KIAA0232: variants seen among roughly 807,000 people sequenced by gnomAD.
KIAA0232 encodes uncharacterized protein KIAA0232.
KIAA0232 carries 27 observed loss-of-function variants against 122.0 expected under a neutral mutation model. That is an observed-to-expected ratio of 0.22 (90% CI 0.16 to 0.31). The LOEUF (loss-of-function observed/expected upper bound fraction) is 0.31, where lower values mean the gene tolerates loss of function less well. KIAA0232 is among the 10% of genes least tolerant of loss of function. The probability of loss-of-function intolerance (pLI) is 1.00; values close to 1 mark genes in which losing one functional copy is unlikely to be tolerated. For missense variants in KIAA0232, 1,551 were observed against 1,634.2 expected, an observed-to-expected ratio of 0.95 and a Z score of 0.88; for synonymous variants, 613 against 587.6, an observed-to-expected ratio of 1.04 and a Z score of -0.63.
At chr4:6,858,371 G>A (rs925261776) in intron 5 of KIAA0232, 54 bp from the exon 6 acceptor site, 3 of 1,059,446 alleles carry the variant, frequency 2.8e-6, no homozygotes, top group East Asian at 2.6e-5. Flanking sequence ...AAATACATTA[G>A]CATTTATTAA....
intron 4 of KIAA0232, among the ~76,000 whole-genome samples, chr4:6,846,112 G>T (rs1302158878): frequency 8.2e-6 from 1 of 121,760 alleles, no homozygotes; most frequent in East Asian, 2.3e-4. Context: ...AAAAAAAAAA[G>T]ATTGTTGGAT....
chr4:6,809,559 T>A (rs1261381344), intron 2 of KIAA0232, among the ~76,000 whole-genome samples: 1 of 152,114 alleles, frequency 6.6e-6, no homozygotes, highest in Non-Finnish European at 1.5e-5. Flanking sequence ...GATATAAACC[T>A]TTGTGGAAGT....
At chr4:6,830,456 C>G (rs1286548890) in intron 3 of KIAA0232, among the ~76,000 whole-genome samples, 1 of 131,670 alleles carries the variant, frequency 7.6e-6, no homozygotes, top group Non-Finnish European at 1.5e-5. Context: ...GTTGCCCAGG[C>G]TAGAGTGCAG....
intron 4 of KIAA0232, among the ~76,000 whole-genome samples, chr4:6,851,284 TC>T (rs1477628580): frequency 2.0e-5 from 3 of 152,222 alleles, no homozygotes; most frequent in African/African-American, 7.2e-5. Flanking sequence ...ATCCAGACAT[TC>T]AGCTCATAGC....
intron 7 of KIAA0232, among the ~76,000 whole-genome samples, chr4:6,870,659 C>T (rs900118545): frequency 1.3e-5 from 2 of 151,988 alleles, no homozygotes; most frequent in South Asian, 2.1e-4. Context: ...AAAAATTAGC[C>T]GGGGTGGTGG....
intron 4 of KIAA0232, among the ~76,000 whole-genome samples, chr4:6,854,726 C>A (rs1422214387): frequency 1.3e-5 from 2 of 152,288 alleles, no homozygotes; most frequent in South Asian, 4.1e-4. Context: ...AAAAGCAATT[C>A]ATGAGTTCAG....
intron 7 of KIAA0232, among the ~76,000 whole-genome samples, chr4:6,865,956 G>T: frequency 6.6e-6 from 1 of 152,054 alleles, no homozygotes; most frequent in Middle Eastern, 3.4e-3. Context: ...CTTATTTGTC[G>T]CATCAGAGTG....
intron 6 of KIAA0232, 69 bp from the exon 7 acceptor site, chr4:6,860,832 G>T: frequency 7.8e-7 from 1 of 1,286,496 alleles, no homozygotes; most frequent in Non-Finnish European, 1.1e-6. Context: ...CTTCTGGTTG[G>T]TAATGTTGTT....
chr4:6,813,083 A>G (rs1428403754), intron 2 of KIAA0232, among the ~76,000 whole-genome samples: 1 of 152,146 alleles, frequency 6.6e-6, no homozygotes, highest in East Asian at 1.9e-4. Context: ...AGTGCACTCT[A>G]AATAATTAGG....
At chr4:6,809,071 G>A (rs1028467838) in intron 2 of KIAA0232, among the ~76,000 whole-genome samples, 3 of 152,160 alleles carry the variant, frequency 2.0e-5, no homozygotes, top group African/African-American at 7.2e-5. Flanking sequence ...AATTAGAAAG[G>A]GCTTCTTCAG....
chr4:6,829,883 A>G (rs753869854), intron 3 of KIAA0232, among the ~76,000 whole-genome samples: 1 of 152,216 alleles, frequency 6.6e-6, no homozygotes, highest in Non-Finnish European at 1.5e-5. Flanking sequence ...GAAGGGATGC[A>G]CTAGCAGATG....
At chr4:6,783,615 G>A (rs931985327) in intron 1 of KIAA0232, among the ~76,000 whole-genome samples, 1 of 151,398 alleles carries the variant, frequency 6.6e-6, no homozygotes, top group South Asian at 2.1e-4. Flanking sequence ...CCGCCGGGCG[G>A]GGGAGGAGGG....
At chr4:6,784,937 ATTTTTTTTTT>A (rs10563839) in intron 1 of KIAA0232, among the ~76,000 whole-genome samples, 1 of 135,530 alleles carries the variant, frequency 7.4e-6, no homozygotes, top group Non-Finnish European at 1.6e-5. Context: ...GATCAGATGA[ATTTTTTTTTT>A]TTTTTTTTTT....
chr4:6,822,302 A>G (rs912854523), intron 2 of KIAA0232, among the ~76,000 whole-genome samples: 2 of 152,212 alleles, frequency 1.3e-5, no homozygotes, highest in African/African-American at 2.4e-5. Flanking sequence ...CAAAACATGT[A>G]TTAGTGACAC....
At chr4:6,806,737 C>CAAAAAAAAAAAAAA (rs34146483) in intron 2 of KIAA0232, among the ~76,000 whole-genome samples, 1 of 47,644 alleles carries the variant, frequency 2.1e-5, no homozygotes, top group Non-Finnish European at 3.6e-5. Flanking sequence ...GACTCCCTCT[C>CAAAAAAAAAAAAAA]AAAAAAAAAA....
chr4:6,784,620 T>C (rs1055495419), intron 1 of KIAA0232, among the ~76,000 whole-genome samples: 1 of 152,236 alleles, frequency 6.6e-6, no homozygotes, highest in Non-Finnish European at 1.5e-5. Flanking sequence ...ACTTAATATA[T>C]CTTATAACTC....
intron 3 of KIAA0232, among the ~76,000 whole-genome samples, chr4:6,837,292 A>T (rs1371506865): frequency 6.7e-6 from 1 of 149,006 alleles, no homozygotes; most frequent in African/African-American, 2.5e-5. Context: ...CGGGGCAGAG[A>T]CGCTCCTCAG....
chr4:6,805,528 C>G (rs1717576090), intron 2 of KIAA0232, among the ~76,000 whole-genome samples: 1 of 152,072 alleles, frequency 6.6e-6, no homozygotes, highest in South Asian at 2.1e-4. Flanking sequence ...AATGTTAACT[C>G]ACTGTCTTAC....
At chr4:6,793,322 A>T (rs768704604) in intron 1 of KIAA0232, among the ~76,000 whole-genome samples, 1 of 152,200 alleles carries the variant, frequency 6.6e-6, no homozygotes, top group African/African-American at 2.4e-5. Context: ...TATTTTCCTG[A>T]AAAACTCCAT....
Sources: gnomAD v4.1 joint callset for allele counts (sites outside exome capture counted in the v4.1 genomes callset) on GRCh38, gnomAD v4.1.1 for gene constraint, MANE v1.5 for transcripts, NCBI Gene and HGNC (gene_info 2026-07-23, HGNC 2026-07-21) for gene names.